ZNF813: variants seen among roughly 807,000 people sequenced by gnomAD.
The protein encoded by ZNF813 is zinc finger protein 813.
A neutral mutation model predicts 7.2 loss-of-function variants in ZNF813; 3 were observed. The observed-to-expected ratio is 0.42, with a 90% CI of 0.19 to 1.08. ZNF813 has a LOEUF of 1.08. Among genes scored for constraint, ZNF813 ranks in the 50% least tolerant of loss-of-function variants. The pLI, the probability that ZNF813 is intolerant of heterozygous loss-of-function variation, is 0.30. For missense variants in ZNF813, 714 were observed against 753.3 expected, an observed-to-expected ratio of 0.95 and a Z score of 0.61; for synonymous variants, 227 against 256.3, an observed-to-expected ratio of 0.89 and a Z score of 1.09.
chr19:53,471,970 A>G (rs1003947868), intron 1 of ZNF813, among the ~76,000 whole-genome samples: 11 of 152,184 alleles, frequency 7.2e-5, no homozygotes, highest in Non-Finnish European at 1.2e-4. Context: ...GCTGCTAGCA[A>G]TGTTTTCAGC....
chr19:53,489,154 T>G (rs112347483), intron 3 of ZNF813, among the ~76,000 whole-genome samples: 2 of 151,634 alleles, frequency 1.3e-5, no homozygotes, highest in African/African-American at 2.4e-5. Flanking sequence ...ATTACAGGCA[T>G]GAGCCACCAC....
intron 2 of ZNF813, among the ~76,000 whole-genome samples, chr19:53,486,166 A>T (rs968072476): frequency 6.6e-6 from 1 of 152,158 alleles, no homozygotes; most frequent in African/African-American, 2.4e-5. Flanking sequence ...TGTGTCAATA[A>T]AAGTTTCTGG....
intron 3 of ZNF813, chr19:53,488,219 C>A (rs1438891236): frequency 2.2e-6 from 1 of 455,266 alleles, no homozygotes; most frequent in Admixed American, 2.4e-5. Flanking sequence ...CACAGGGTTT[C>A]TCCTTTTTTG....
intron 1 of ZNF813, among the ~76,000 whole-genome samples, chr19:53,476,942 A>G (rs1187580792): frequency 7.9e-5 from 12 of 152,216 alleles, no homozygotes; most frequent in Non-Finnish European, 1.5e-4. Context: ...GATTACAGGC[A>G]TAAGCCACCG....
In ZNF813 at chr19:53,482,878, C is replaced by T. The variant is rs544280609; in HGVS notation, c.-73-872C>T. Among the ~76,000 whole-genome samples, 4 of 151,134 alleles carry T rather than the reference C, an allele frequency of 2.6e-5. No individual in the cohort carries two copies. The South Asian group carries it at 8.4e-4, about 32-fold the overall frequency. ...TAGCTGAGAGTACAGGTGTGTGCCACCACACCCAGCTAATTATTGTATTTT... is the reference window on the plus strand; with the variant it reads ...TAGCTGAGAGTACAGGTGTGTGCCATCACACCCAGCTAATTATTGTATTTT... On this transcript the variant is annotated intron_variant, in intron 1 of 3. Coordinates refer to ENST00000396403, the MANE Select transcript of ZNF813 (RefSeq NM_001004301.4).
Position 53,491,336 on chromosome 19 carries a change from A to G in ZNF813, c.1104A>G (p.Ser368=), listed in dbSNP as rs368118940. Reference sequence around the variant, plus strand: ...GTGGCAAGACCTTTAGTCGGAAGTCATCCCTTACATGCCATCATAGACTTC... The same window carrying G: ...GTGGCAAGACCTTTAGTCGGAAGTCGTCCCTTACATGCCATCATAGACTTC... ...NECGKTFSRK[S]SLTCHHRLHT... The change falls in exon 4 of 4, where the codon TCA becomes TCG. Residue 368 remains serine, a synonymous_variant. Transcript: ENST00000396403. 11 of 1,613,076 alleles carry G rather than the reference A, an allele frequency of 6.8e-6. No homozygotes were observed. The African/African-American group carries it at 1.5e-4, about 22-fold the overall frequency.
In ZNF813 at chr19:53,491,456, G is replaced by A; in HGVS notation, c.1224G>A (p.Glu408=). 1 of 1,614,102 alleles carries A rather than the reference G, an allele frequency of 6.2e-7. No individual in the cohort carries two copies. The highest frequency in any genetic ancestry group is 8.5e-7 in the Non-Finnish European group (1 of 1,180,004). Reference sequence around the variant, plus strand: ...GCCATCGTAGACTTCATACCGGAGAGAAGCCTTACAAGTGTAATGAATGTG... The same window carrying A: ...GCCATCGTAGACTTCATACCGGAGAAAAGCCTTACAAGTGTAATGAATGTG... ...LKCHRRLHTG[E]KPYKCNECGK... Residue 408 remains glutamate, a synonymous_variant, in exon 4 of 4, where the codon GAG becomes GAA. Coordinates refer to ENST00000396403, the MANE Select transcript of ZNF813 (RefSeq NM_001004301.4).
intron 1 of ZNF813, among the ~76,000 whole-genome samples, chr19:53,474,042 A>T (rs185792112): frequency 3.3e-5 from 5 of 152,324 alleles, no homozygotes; most frequent in Admixed American, 1.3e-4. Context: ...CAGTCTTGTT[A>T]AATCTTGCAC....
In ZNF813 at chr19:53,491,740, G is replaced by A; in HGVS notation, c.1508G>A (p.Gly503Asp). Residue 503 changes from glycine to aspartate, a missense_variant, in exon 4 of 4, where the codon GGT (glycine) becomes GAT (aspartate). By Grantham distance (94) the Gly-to-Asp change is moderately conservative. This residue lies in a region of ZNF813 where 122 missense variants were observed against 146.8 expected (regional missense o/e 0.83). Coordinates refer to ENST00000396403, the MANE Select transcript of ZNF813 (RefSeq NM_001004301.4). ...TACAAGTGTAATGAATGTGGCAAGGGTTTTAATCGGAAAACACACCTTGCA... is the reference window on the plus strand; with the variant it reads ...TACAAGTGTAATGAATGTGGCAAGGATTTTAATCGGAAAACACACCTTGCA... ...KPYKCNECGK[G>D]FNRKTHLACH... 1 of 1,569,258 alleles carries A rather than the reference G, an allele frequency of 6.4e-7. No individual in the cohort carries two copies. The highest frequency in any genetic ancestry group is 8.7e-7 in the Non-Finnish European group (1 of 1,148,766).
chr19:53,479,762 A>G (rs2086398516), intron 1 of ZNF813: 2 of 1,290,878 alleles, frequency 1.5e-6, no homozygotes, highest in African/African-American at 1.5e-5. Context: ...TGAAAGAGAC[A>G]TGGAATGCAC....
rs2086460297 is a variant in ZNF813 at position 53,491,313 on chromosome 19, G to C, written c.1081G>C (p.Gly361Arg). ...GEKPFKCNECGKTFSRKSSLT... is the reference protein window; with the variant it reads ...GEKPFKCNECRKTFSRKSSLT... ...GAAACCTTTCAAGTGTAATGAGTGTGGCAAGACCTTTAGTCGGAAGTCATC... is the reference window on the plus strand; with the variant it reads ...GAAACCTTTCAAGTGTAATGAGTGTCGCAAGACCTTTAGTCGGAAGTCATC... Residue 361 changes from glycine (G) to arginine (R), a missense_variant, in exon 4 of 4, where the codon GGC becomes CGC. Gly to Arg is a moderately radical substitution (Grantham distance 125). This residue lies in a region of ZNF813 where 563 missense variants were observed against 554.2 expected (regional missense o/e 1.02). Coordinates refer to ENST00000396403, the MANE Select transcript of ZNF813 (RefSeq NM_001004301.4). 1.9e-6 allele frequency: 3 copies of C among 1,614,028 alleles called. No homozygotes were observed. The South Asian group carries it at 3.3e-5, about 18-fold the overall frequency.
Position 53,492,276 on chromosome 19 carries a change from A to T in ZNF813, c.*190A>T. 1 of 874,512 alleles carries T rather than the reference A, an allele frequency of 1.1e-6. No individual in the cohort carries two copies. Among genetic ancestry groups the T allele is most frequent in the South Asian group, 1.7e-5 (1 of 57,554 alleles). 54.2% of individuals were successfully genotyped at this position (874,512 alleles called of 1,614,324 possible). ...CCTTCCACGTCATCATAGACTTCAT[A>T]GTGGAGAGAAACCTTAGAAATGTGA... is the stretch of plus-strand genomic sequence containing the variant. On this transcript the variant is annotated 3_prime_UTR_variant, in exon 4 of 4. Coordinates refer to ENST00000396403, the MANE Select transcript of ZNF813 (RefSeq NM_001004301.4).
intron 1 of ZNF813, among the ~76,000 whole-genome samples, chr19:53,472,611 C>CTTTTT (rs1166123869): frequency 1.6e-5 from 2 of 128,410 alleles, no homozygotes; most frequent in Non-Finnish European, 3.2e-5. Flanking sequence ...ACAAGTCTTT[C>CTTTTT]TTTTTTTTTT....
intron 1 of ZNF813, among the ~76,000 whole-genome samples, chr19:53,480,364 T>TA (rs35502614): frequency 0.018 from 2,546 of 142,136 alleles, 23 homozygotes; most frequent in Non-Finnish European, 0.023. Flanking sequence ...TGTTGTGATG[T>TA]AAAAAAAAAA....
chr19:53,477,821 A>T (rs1357685619), intron 1 of ZNF813, among the ~76,000 whole-genome samples: 1 of 152,140 alleles, frequency 6.6e-6, no homozygotes, highest in Non-Finnish European at 1.5e-5. Context: ...ACCCTGTCTC[A>T]AAAGAATAAA....
In ZNF813 at chr19:53,490,302, TCACA is replaced by T; in HGVS notation, c.143-72_143-69del. The stretch of plus-strand genomic sequence containing the variant: ...AAGTTTAAAATGAGTATTTTTTGTG[TCACA>T]TTTACACATTTCAGTATTATTTACC... On this transcript the variant is annotated intron_variant, in intron 3 of 3. Coordinates refer to ENST00000396403, the MANE Select transcript of ZNF813 (RefSeq NM_001004301.4). 5.3e-6 allele frequency: 8 copies of T among 1,516,370 alleles called. No homozygotes were observed. In the Admixed American group the frequency reaches 1.0e-4, roughly 20 times the overall value. The allele number at this position is 1,516,370 out of a possible 1,614,324, so 93.9% of individuals were successfully genotyped here.
intron 1 of ZNF813, among the ~76,000 whole-genome samples, chr19:53,474,197 C>G (rs1161002542): frequency 6.6e-6 from 1 of 152,176 alleles, no homozygotes; most frequent in East Asian, 1.9e-4. Flanking sequence ...TACAAATAAG[C>G]ACTAGCATAT....
At chr19:53,477,272 G>A (rs1443010890) in intron 1 of ZNF813, among the ~76,000 whole-genome samples, 2 of 152,084 alleles carry the variant, frequency 1.3e-5, no homozygotes, top group East Asian at 1.9e-4. Context: ...GTTCTAAGGC[G>A]ACTAGCATTG....
intron 1 of ZNF813, among the ~76,000 whole-genome samples, chr19:53,471,030 G>C (rs796764076): frequency 1.3e-5 from 2 of 152,194 alleles, no homozygotes; most frequent in African/African-American, 4.8e-5. Flanking sequence ...CTGGCCTAGA[G>C]TACTGAATTA....
Sources: allele counts gnomAD v4.1 joint callset (sites outside exome capture counted in the v4.1 genomes callset), GRCh38; gene constraint gnomAD v4.1.1; regional missense constraint gnomAD v4.1.1; transcripts MANE v1.5; gene names NCBI Gene and HGNC (gene_info 2026-07-23, HGNC 2026-07-21).